WWOX: variants seen among roughly 807,000 people sequenced by gnomAD.
WWOX encodes the protein WW domain containing oxidoreductase.
Under a neutral mutation model 46.2 loss-of-function variants are expected in WWOX, and 69 were observed. That is an observed-to-expected ratio of 1.49 (90% CI 1.23 to 1.82). The LOEUF (loss-of-function observed/expected upper bound fraction) is 1.82, where lower values mean the gene tolerates loss of function less well. WWOX is among the 40% of genes most tolerant of loss of function. The pLI is 0.00. For missense variants in WWOX, 919 were observed against 542.6 expected (o/e 1.69, Z -6.89); for synonymous variants, 359 against 202.6 (o/e 1.77, Z -6.56).
intron 6 of WWOX, among the ~76,000 whole-genome samples, chr16:78,392,579 AAAT>A (rs1251726966): frequency 6.6e-6 from 1 of 152,052 alleles, no homozygotes; most frequent in African/African-American, 2.4e-5. Context: ...GGTGCCAAAA[AAAT>A]TTGGAAACCT....
chr16:78,740,246 C>G (rs570885164), intron 8 of WWOX, among the ~76,000 whole-genome samples: 6 of 152,196 alleles, frequency 3.9e-5, no homozygotes, highest in Non-Finnish European at 8.8e-5. Context: ...TTCAGGCGTT[C>G]TTACAATGCT....
chr16:79,190,142 A>G (rs1159247656), intron 8 of WWOX, among the ~76,000 whole-genome samples: 1 of 152,024 alleles, frequency 6.6e-6, no homozygotes, highest in Non-Finnish European at 1.5e-5. Flanking sequence ...CTTCTGCCTC[A>G]GCCTCCCGAG....
At chr16:78,568,420 C>G (rs891114887) in intron 8 of WWOX, among the ~76,000 whole-genome samples, 1 of 151,376 alleles carries the variant, frequency 6.6e-6, no homozygotes, top group Admixed American at 6.6e-5. Flanking sequence ...TTGCTAACCA[C>G]TGCTTTCCAA....
intron 8 of WWOX, among the ~76,000 whole-genome samples, chr16:78,639,193 G>A (rs148218392): frequency 6.9e-4 from 105 of 152,296 alleles, no homozygotes; most frequent in African/African-American, 2.5e-3. Context: ...CTCCCAGGAT[G>A]TACAAAGTAC....
intron 8 of WWOX, among the ~76,000 whole-genome samples, chr16:78,613,548 C>G (rs896808643): frequency 2.0e-5 from 3 of 152,204 alleles, no homozygotes; most frequent in Non-Finnish European, 2.9e-5. Context: ...TGCAAATTAT[C>G]TGATGGAATT....
intron 8 of WWOX, among the ~76,000 whole-genome samples, chr16:79,088,934 C>G (rs76287276): frequency 0.044 from 6,669 of 152,176 alleles, 254 homozygotes; most frequent in African/African-American, 0.1. Context: ...CTTTTAAAAT[C>G]TATTTTTTTT....
At chr16:78,542,864 G>A (rs1306650050) in intron 8 of WWOX, among the ~76,000 whole-genome samples, 1 of 152,234 alleles carries the variant, frequency 6.6e-6, no homozygotes. Context: ...CCCAAACGAC[G>A]GGCCTGGGGG....
intron 8 of WWOX, among the ~76,000 whole-genome samples, chr16:78,670,123 C>G (rs535481036): frequency 1.3e-5 from 2 of 151,530 alleles, no homozygotes; most frequent in Admixed American, 1.3e-4. Context: ...GAGGGCTTCT[C>G]TGCGTCAGTA....
intron 5 of WWOX, among the ~76,000 whole-genome samples, chr16:78,355,123 C>A (rs1164638209): frequency 6.7e-6 from 1 of 149,150 alleles, no homozygotes; most frequent in African/African-American, 2.5e-5. Flanking sequence ...CAGAGGGAGA[C>A]TCTGTCTCAA....
chr16:78,893,843 C>G (rs755391225), intron 8 of WWOX, among the ~76,000 whole-genome samples: 6 of 152,090 alleles, frequency 3.9e-5, no homozygotes, highest in Non-Finnish European at 8.8e-5. Flanking sequence ...CACACTCACA[C>G]AGTATCTTTT....
chr16:78,714,492 G>T (rs1184341872), intron 8 of WWOX, among the ~76,000 whole-genome samples: 1 of 151,864 alleles, frequency 6.6e-6, no homozygotes, highest in African/African-American at 2.4e-5. Context: ...GGGGATGATG[G>T]GAGATACAAT....
At chr16:78,939,110 G>A (rs1203920863) in intron 8 of WWOX, among the ~76,000 whole-genome samples, 1 of 152,178 alleles carries the variant, frequency 6.6e-6, no homozygotes, top group African/African-American at 2.4e-5. Flanking sequence ...TGGCCCCGCT[G>A]GATTTTCTGC....
chr16:78,254,502 G>GTTTTTTTTTT (rs59706959), intron 5 of WWOX, among the ~76,000 whole-genome samples: 962 of 91,620 alleles, frequency 0.01, 74 homozygotes, highest in African/African-American at 0.02. Context: ...TTTCTTTCTT[G>GTTTTTTTTTT]TTTTTTTTTT....
chr16:78,586,819 G>C (rs1195156051), intron 8 of WWOX, among the ~76,000 whole-genome samples: 2 of 152,028 alleles, frequency 1.3e-5, no homozygotes, highest in East Asian at 3.9e-4. Context: ...TAATTGATGG[G>C]TCTATAATTT....
chr16:78,765,488 G>T (rs528522901), intron 8 of WWOX, among the ~76,000 whole-genome samples: 1 of 152,126 alleles, frequency 6.6e-6, no homozygotes, highest in Non-Finnish European at 1.5e-5. Flanking sequence ...AGACCAGCCT[G>T]GCCAACATGG....
In WWOX at chr16:78,375,206, C is replaced by T. The variant is rs143016024; in HGVS notation, c.517-11654C>T. Reference sequence around the variant, plus strand: ...ATAACCGTCGTCGTCATTTCTCAAGCGTGACGATACTGTTACACGTTTACT... The same window carrying T: ...ATAACCGTCGTCGTCATTTCTCAAGTGTGACGATACTGTTACACGTTTACT... On this transcript the variant is annotated intron_variant, in intron 5 of 8. Transcript: ENST00000566780. Among the ~76,000 whole-genome samples the T allele has an allele frequency of 1.5e-3, 226 of 152,316 alleles. 1 individual carries two copies. The highest frequency in any genetic ancestry group is 9.6e-4 in the East Asian group (5 of 5,184).
At chr16:79,163,811 A>T (rs925668136) in intron 8 of WWOX, among the ~76,000 whole-genome samples, 2 of 119,068 alleles carry the variant, frequency 1.7e-5, no homozygotes, top group Admixed American at 1.9e-4. Context: ...AAAAAAAAAA[A>T]AAAAAAGAGA....
chr16:79,192,332 C>G (rs2051153299), intron 8 of WWOX, among the ~76,000 whole-genome samples: 1 of 152,010 alleles, frequency 6.6e-6, no homozygotes, highest in African/African-American at 2.4e-5. Context: ...TTCATTCATT[C>G]ATTCATCCAC....
At chr16:78,674,124 T>A (rs2142211999) in intron 8 of WWOX, among the ~76,000 whole-genome samples, 1 of 152,222 alleles carries the variant, frequency 6.6e-6, no homozygotes, top group Admixed American at 6.5e-5. Flanking sequence ...ATTGAAATAT[T>A]TGGAAATAAA....
Sources: allele counts gnomAD v4.1 joint callset (sites outside exome capture counted in the v4.1 genomes callset), GRCh38; gene constraint gnomAD v4.1.1; transcripts MANE v1.5; gene names NCBI Gene and HGNC (gene_info 2026-07-23, HGNC 2026-07-21).